The following NOMO2 variants were observed in gnomAD, a reference collection of about 807,000 sequenced individuals.
NOMO2 encodes the protein BOS complex subunit NOMO2.
NOMO2 carries 14 observed loss-of-function variants against 67.1 expected under a neutral mutation model. The ratio of observed to expected loss-of-function variants is 0.21; its 90% CI spans 0.14 to 0.33. The LOEUF (loss-of-function observed/expected upper bound fraction) is 0.33, where lower values mean the gene tolerates loss of function less well. Among genes scored for constraint, NOMO2 ranks in the 10% least tolerant of loss-of-function variants. The pLI, the probability that NOMO2 is intolerant of heterozygous loss-of-function variation, is 1.00. For missense variants in NOMO2, 178 were observed against 761.0 expected, an observed-to-expected ratio of 0.23 and a Z score of 9.01; for synonymous variants, 80 against 305.9, an observed-to-expected ratio of 0.26 and a Z score of 7.71.
chr16:18,540,194 TTTTA>T (rs925072982), intron 9 of NOMO2, among the ~76,000 whole-genome samples: 2 of 149,536 alleles, frequency 1.3e-5, no homozygotes, highest in African/African-American at 2.4e-5. Context: ...AGCCCTTCTT[TTTTA>T]TTTTTTTATT....
intron 4 of NOMO2, among the ~76,000 whole-genome samples, chr16:18,551,142 C>A (rs1400260692): frequency 2.0e-5 from 3 of 151,758 alleles, no homozygotes; most frequent in Non-Finnish European, 4.4e-5. Flanking sequence ...CCACTGCACT[C>A]CAGCCTGGGC....
At chr16:18,527,458 GA>G in intron 16 of NOMO2, 78 bp downstream of exon 16, 5 of 798,280 alleles carry the variant, frequency 6.3e-6, no homozygotes, top group Non-Finnish European at 1.1e-5. Context: ...AACTAAGGTA[GA>G]AAAAAATGCC....
chr16:18,529,200 GA>G (rs1901233915), intron 15 of NOMO2, among the ~76,000 whole-genome samples: 1 of 146,454 alleles, frequency 6.8e-6, no homozygotes, highest in Non-Finnish European at 1.5e-5. Context: ...GAATTTACCC[GA>G]AGCTATTATT....
At chr16:18,535,621 T>C (rs1901400963) in intron 11 of NOMO2, among the ~76,000 whole-genome samples, 1 of 151,942 alleles carries the variant, frequency 6.6e-6, no homozygotes, top group African/African-American at 2.4e-5. Flanking sequence ...CTCCCTCGCC[T>C]GCCAGCCGCC....
Position 18,533,067 on chromosome 16 carries a change from C to T in NOMO2, c.1333G>A (p.Val445Met), listed in dbSNP as rs760174376. ...SQDKDKSLVT[V>M]ETDAHGSFCF... ...AATGATCCATGAGCATCTGTCTCCA[C>T]GGTGACCAAAGACTTGTCCTTGTCT... The change falls in exon 12 of 31, where the codon GTG becomes ATG. Residue 445 changes from valine to methionine, a missense_variant. Transcript: ENST00000622306. 1.2e-5 allele frequency: 20 copies of T among 1,610,122 alleles called. No individual in the cohort carries two copies. Among genetic ancestry groups the T allele is most frequent in the South Asian group, 3.3e-5 (3 of 90,818 alleles).
At chr16:18,553,226 C>T (rs1243944821) in intron 3 of NOMO2, among the ~76,000 whole-genome samples, 2 of 151,508 alleles carry the variant, frequency 1.3e-5, no homozygotes, top group African/African-American at 4.8e-5. Context: ...GAACTGAGAT[C>T]ACACTCCAGC....
intron 11 of NOMO2, among the ~76,000 whole-genome samples, chr16:18,536,979 T>C (rs1901438504): frequency 6.6e-6 from 1 of 151,968 alleles, no homozygotes; most frequent in Non-Finnish European, 1.5e-5. Context: ...TGTTGGGCCC[T>C]ACCTCCTACC....
chr16:18,545,259 C>T (rs1596856124), intron 6 of NOMO2, among the ~76,000 whole-genome samples: 2 of 147,970 alleles, frequency 1.4e-5, no homozygotes, highest in Admixed American at 6.8e-5. Context: ...CCATTCCTGG[C>T]TAATTTTTTT....
Position 18,561,975 on chromosome 16 carries a change from C to T in NOMO2, c.66G>A (p.Leu22=), listed in dbSNP as rs764157139. The change falls in exon 1 of 31, where the codon CTG becomes CTA. Residue 22 remains leucine, a synonymous_variant. Transcript: ENST00000622306. ...PAVVTAAVVL[L]LSGVGPAHGS... is the part of the protein sequence containing the mutation. ...CGTGCGCCGGCCCCACGCCGCTCAG[C>T]AGCAGCACCACCGCGGCGGTGACCA... 2.9e-4 allele frequency: 449 copies of T among 1,565,378 alleles called. 6 individuals carry two copies. The highest frequency in any genetic ancestry group is 9.1e-4 in the Middle Eastern group (4 of 4,386).
At chr16:18,535,738 C>A (rs1293853862) in intron 11 of NOMO2, among the ~76,000 whole-genome samples, 2 of 151,914 alleles carry the variant, frequency 1.3e-5, no homozygotes, top group African/African-American at 4.8e-5. Flanking sequence ...ACACAGCAGC[C>A]AGGAAGAAAA....
chr16:18,531,377 C>G, intron 13 of NOMO2, 89 bp downstream of exon 13: 2 of 1,609,714 alleles, frequency 1.2e-6, no homozygotes, highest in Non-Finnish European at 1.7e-6. Flanking sequence ...TAGCAAACAA[C>G]AAAGGCAAAA....
At chr16:18,553,327 A>C (rs1901832938) in intron 3 of NOMO2, among the ~76,000 whole-genome samples, 1 of 151,582 alleles carries the variant, frequency 6.6e-6, no homozygotes, top group Non-Finnish European at 1.5e-5. Flanking sequence ...TTTTATATTT[A>C]TGCATCAGAA....
At chr16:18,560,160 C>CA (rs1250410591) in intron 1 of NOMO2, among the ~76,000 whole-genome samples, 1 of 151,868 alleles carries the variant, frequency 6.6e-6, no homozygotes, top group Non-Finnish European at 1.5e-5. Context: ...AAAGTACAAT[C>CA]AGGACACAGG....
intron 14 of NOMO2, 104 bp from the exon 15 acceptor site, chr16:18,529,741 G>T (rs1901252504): frequency 1.3e-6 from 1 of 774,130 alleles, no homozygotes; most frequent in Admixed American, 2.8e-5. Context: ...TTAAAAAGCA[G>T]GTGTGTATGT....
chr16:18,531,491 T>C lies in NOMO2; in HGVS notation c.1512A>G (p.Ser504=), dbSNP rs143309872. 136 of 1,611,236 alleles carry C rather than the reference T, an allele frequency of 8.4e-5. 1 individual carries two copies. In the African/African-American group the frequency reaches 1.7e-3, roughly 20 times the overall value. Residue 504 remains serine (S), a synonymous_variant, in exon 13 of 31, where the codon TCA becomes TCG. Transcript: ENST00000622306. The part of the protein sequence containing the change: ...MDVAFVQFLA[S]VSGKVSCLDT... ...CCAAACAAGAGACTTTCCCAGAAAC[T>C]GATGCCAAGAACTGTACAAAGGCCA...
At chr16:18,529,837 G>T (rs554359351) in intron 14 of NOMO2, among the ~76,000 whole-genome samples, 200 bp from the exon 15 acceptor site, 1 of 151,178 alleles carries the variant, frequency 6.6e-6, no homozygotes, top group Admixed American at 6.6e-5. Flanking sequence ...ACCTGGAGTC[G>T]AGCGTGGTGG....
At chr16:18,560,739 C>G (rs1483298174) in intron 1 of NOMO2, among the ~76,000 whole-genome samples, 2 of 151,764 alleles carry the variant, frequency 1.3e-5, no homozygotes, top group East Asian at 3.9e-4. Context: ...AAACTGAAAC[C>G]TAGAGCAAGG....
At chr16:18,544,609 C>T (rs1901624004) in intron 6 of NOMO2, among the ~76,000 whole-genome samples, 3 of 151,870 alleles carry the variant, frequency 2.0e-5, no homozygotes, top group South Asian at 4.2e-4. Context: ...ACTTTCTGTC[C>T]GTCACTTTCT....
rs1902058831 is a variant in NOMO2, at chr16:18,561,861, G to C, written c.165+15C>G. ...GCCCGGCGACTCGGCGCCGGGCGGC[G>C]GGGCGGGCGCTCACCTCGATGAGCG... On this transcript the variant is annotated intron_variant, in intron 1 of 30. Transcript: ENST00000622306. 2 of 1,545,988 alleles carry C rather than the reference G, an allele frequency of 1.3e-6. No individual in the cohort carries two copies. The highest frequency in any genetic ancestry group is 1.7e-6 in the Non-Finnish European group (2 of 1,146,334).
Sources: allele counts gnomAD v4.1 joint callset (sites outside exome capture counted in the v4.1 genomes callset), GRCh38; gene constraint gnomAD v4.1.1; transcripts MANE v1.5; gene names NCBI Gene and HGNC (gene_info 2026-07-23, HGNC 2026-07-21).